Variants in OPN4 observed in about 807,000 individuals in gnomAD.
The protein encoded by OPN4 is melanopsin.
Under a neutral mutation model 49.5 loss-of-function variants are expected in OPN4, and 43 were observed. The ratio of observed to expected loss-of-function variants is 0.87; its 90% confidence interval spans 0.68 to 1.12. The LOEUF is 1.12. Among genes scored for constraint, OPN4 ranks in the 50% most tolerant of loss-of-function variants. The pLI, the probability that OPN4 is intolerant of heterozygous loss-of-function variation, is 0.00. For missense variants in OPN4, 657 were observed against 643.9 expected (o/e 1.02, Z -0.22); for synonymous variants, 263 against 258.0 (o/e 1.02, Z -0.19).
rs550007541 is a variant in OPN4, at chr10:86,659,291, T to C, written c.629-6T>C. 2 of 1,609,182 alleles carry C rather than the reference T, an allele frequency of 1.2e-6. No homozygotes were observed. The highest frequency in any genetic ancestry group is 1.7e-4 in the Middle Eastern group (1 of 6,056). ...CCAAAGGCTGAGCACCTGCCCTGGC[T>C]CCCAGGCGCCTACGTGCCCGAGGGG... On this transcript the variant is annotated splice_polypyrimidine_tract_variant and splice_region_variant and intron_variant, in intron 4 of 9. Coordinates refer to ENST00000241891, the MANE Select transcript of OPN4 (RefSeq NM_033282.4).
In OPN4 at chr10:86,659,475, G is replaced by T; in HGVS notation, c.800+7G>T. The T allele has an allele frequency of 6.2e-7, 1 of 1,613,168 alleles. No homozygotes were observed. Among genetic ancestry groups the T allele is most frequent in the South Asian group, 1.1e-5 (1 of 90,944 alleles). Reference sequence around the variant, plus strand: ...CCATCCGGGAGACAGGACGGTAAGAGCCGAGCATGGAGGGGGGCTACAGGA... The same window carrying T: ...CCATCCGGGAGACAGGACGGTAAGATCCGAGCATGGAGGGGGGCTACAGGA... On this transcript the variant is annotated splice_region_variant and intron_variant, in intron 5 of 9. Coordinates refer to ENST00000241891, the MANE Select transcript of OPN4 (RefSeq NM_033282.4).
intron 6 of OPN4, 53 bp downstream of exon 6, chr10:86,660,112 C>G: frequency 1.9e-6 from 3 of 1,589,100 alleles, no homozygotes; most frequent in East Asian, 2.2e-5. Flanking sequence ...GGGGCAGGAG[C>G]AAGAAGCCTG....
chr10:86,659,231 C>A, intron 4 of OPN4, 66 bp from the exon 5 acceptor site: 1 of 1,331,296 alleles, frequency 7.5e-7, no homozygotes, highest in Non-Finnish European at 1.0e-6. Flanking sequence ...ACATACAAAG[C>A]TCCTGCCAGA....
At chr10:86,659,834 G>A (rs907485258) in intron 5 of OPN4, 61 bp from the exon 6 acceptor site, 15 of 1,565,240 alleles carry the variant, frequency 9.6e-6, no homozygotes, top group South Asian at 2.2e-5. Context: ...AACAGCAGCC[G>A]TGACCCTGGT....
chr10:86,665,474 C>T (rs1844136873), intron 9 of OPN4, among the ~76,000 whole-genome samples: 1 of 151,904 alleles, frequency 6.6e-6, no homozygotes, highest in Non-Finnish European at 1.5e-5. Flanking sequence ...CAGTTGTGAC[C>T]CCGGGAGTCA....
intron 5 of OPN4, among the ~76,000 whole-genome samples, chr10:86,659,687 G>A (rs1381631604): frequency 6.6e-6 from 1 of 152,214 alleles, no homozygotes; most frequent in Non-Finnish European, 1.5e-5. Context: ...AGGAGAGAAG[G>A]CACACAGAAT....
Position 86,662,431 on chromosome 10 carries a change from T to A in OPN4, c.1253T>A (p.Val418Glu), listed in dbSNP as rs765606083. The A allele has an allele frequency of 1.4e-5, 21 of 1,545,666 alleles. 1 individual carries two copies. In the South Asian group the frequency reaches 2.5e-4, roughly 18 times the overall value. The change falls in exon 8 of 10, where the codon GTG (valine) becomes GAG (glutamate). Residue 418 changes from valine to glutamate, a missense_variant and splice_region_variant. By Grantham distance (121) the Val-to-Glu change is moderately radical. Coordinates refer to ENST00000241891, the MANE Select transcript of OPN4 (RefSeq NM_033282.4). ...RQESLGSESE[V>E]GWTHMEAAAV... ...GAGTCCCTGGGCTCGGAGAGTGAGG[T>A]GGTAAGGATGCTGGGCCCTCACCAG...
At chr10:86,664,824 C>A (rs1290062114) in intron 9 of OPN4, among the ~76,000 whole-genome samples, 1 of 152,200 alleles carries the variant, frequency 6.6e-6, no homozygotes, top group Admixed American at 6.5e-5. Flanking sequence ...CTGGCAGTGA[C>A]CCCCAGGCTG....
chr10:86,664,058 G>A, intron 9 of OPN4: 1 of 451,136 alleles, frequency 2.2e-6, no homozygotes, highest in Admixed American at 3.9e-5. Flanking sequence ...GACTCTGCAT[G>A]GTGCTGTTGG....
chr10:86,658,077 C>T lies in OPN4; in HGVS notation c.336C>T (p.Leu112=), dbSNP rs773981276. 1.2e-5 allele frequency: 20 copies of T among 1,614,006 alleles called. No homozygotes were observed. Among genetic ancestry groups the T allele is most frequent in the Non-Finnish European group, 1.6e-5 (19 of 1,180,032 alleles). The part of the protein sequence containing the change: ...RTPANMFIIN[L]AVSDFLMSFT... ...CTGCCAACATGTTCATTATCAACCT[C>T]GCGGTCAGCGACTTCCTCATGTCCT... Residue 112 remains leucine, a synonymous_variant, in exon 3 of 10, where the codon CTC becomes CTT. Coordinates refer to ENST00000241891, the MANE Select transcript of OPN4 (RefSeq NM_033282.4).
At chr10:86,659,181 C>T (rs1843940668) in intron 4 of OPN4, 116 bp from the exon 5 acceptor site, 1 of 769,272 alleles carries the variant, frequency 1.3e-6, no homozygotes, top group East Asian at 2.5e-5. Flanking sequence ...TGGGACAGGG[C>T]CAGGTCAGGG....
intron 8 of OPN4, 35 bp downstream of exon 8, chr10:86,662,467 GC>G: frequency 6.5e-7 from 1 of 1,530,812 alleles, no homozygotes; most frequent in Non-Finnish European, 8.8e-7. Context: ...CTTGCGCCTG[GC>G]CATCCCTTCC....
intron 9 of OPN4, among the ~76,000 whole-genome samples, chr10:86,664,178 C>T (rs1844088632): frequency 6.6e-6 from 1 of 152,202 alleles, no homozygotes; most frequent in African/African-American, 2.4e-5. Context: ...AGCACATGCT[C>T]CATCACTGTA....
At chr10:86,665,612 C>G in intron 9 of OPN4, 101 bp from the exon 10 acceptor site, 1 of 966,252 alleles carries the variant, frequency 1.0e-6, no homozygotes, top group Non-Finnish European at 1.6e-6. Context: ...TTCCATGCAA[C>G]CTCCCCCACT....
chr10:86,658,115 C>G lies in OPN4; in HGVS notation c.374C>G (p.Pro125Arg). ...SDFLMSFTQA[P>R]VFFTSSLYKQ... The stretch of plus-strand genomic sequence containing the variant: ...TTCCTCATGTCCTTCACCCAGGCCC[C>G]TGTCTTCTTCACCAGTAGCCTCTAT... Residue 125 changes from proline to arginine, a missense_variant, in exon 3 of 10, where the codon CCT becomes CGT. Transcript: ENST00000241891. The G allele has an allele frequency of 6.2e-7, 1 of 1,614,138 alleles. No homozygotes were observed. The highest frequency in any genetic ancestry group is 8.5e-7 in the Non-Finnish European group (1 of 1,180,036).
Position 86,663,700 on chromosome 10 carries a change from C to T in OPN4, c.1296C>T (p.Ala432=). ...AGGCAGCAGCTGTGTGGGGAGCTGCCCAGCAAGCAAATGGGCGGTCCCTCT... is the reference window on the plus strand; with the variant it reads ...AGGCAGCAGCTGTGTGGGGAGCTGCTCAGCAAGCAAATGGGCGGTCCCTCT... ...HMEAAAVWGA[A]QQANGRSLYG... is the part of the protein sequence containing the mutation. Residue 432 remains alanine (A), a synonymous_variant, in exon 9 of 10, where the codon GCC becomes GCT. Coordinates refer to ENST00000241891, the MANE Select transcript of OPN4 (RefSeq NM_033282.4). 1 of 1,574,074 alleles carries T rather than the reference C, an allele frequency of 6.4e-7. No individual in the cohort carries two copies. Among genetic ancestry groups the T allele is most frequent in the Non-Finnish European group, 8.6e-7 (1 of 1,159,010 alleles).
intron 5 of OPN4, 128 bp from the exon 6 acceptor site, chr10:86,659,767 C>A: frequency 9.9e-7 from 1 of 1,014,568 alleles, no homozygotes; most frequent in Non-Finnish European, 1.4e-6. Flanking sequence ...GCTGCCTGCA[C>A]TGGAAGGAAT....
chr10:86,662,127 C>G, intron 7 of OPN4, 125 bp from the exon 8 acceptor site: 1 of 759,346 alleles, frequency 1.3e-6, no homozygotes, highest in South Asian at 1.8e-5. Context: ...AGGGTCTGAG[C>G]CTCCCCATTT....
intron 8 of OPN4, 138 bp from the exon 9 acceptor site, chr10:86,663,521 C>T (rs1304723982): frequency 2.8e-6 from 2 of 722,732 alleles, no homozygotes; most frequent in Non-Finnish European, 2.1e-6. Context: ...TGGTGACCGG[C>T]AACGGTGCAA....
Sources: gnomAD v4.1 joint callset for allele counts (sites outside exome capture counted in the v4.1 genomes callset) on GRCh38, gnomAD v4.1.1 for gene constraint, MANE v1.5 for transcripts, NCBI Gene and HGNC (gene_info 2026-07-23, HGNC 2026-07-21) for gene names.